IQSEC1: variants seen among roughly 807,000 people sequenced by gnomAD.
The protein encoded by IQSEC1 is IQ motif and SEC7 domain-containing protein 1.
IQSEC1 carries 31 observed loss-of-function variants against 91.0 expected under a neutral mutation model. The ratio of observed to expected loss-of-function variants is 0.34; its 90% confidence interval spans 0.26 to 0.46. The LOEUF (loss-of-function observed/expected upper bound fraction) is 0.46, where lower values mean the gene tolerates loss of function less well. Ranked by LOEUF, IQSEC1 falls within the 20% of genes least tolerant of loss-of-function variation. The pLI, the probability that IQSEC1 is intolerant of heterozygous loss-of-function variation, is 1.00. For missense variants in IQSEC1, 1,388 were observed against 1,575.6 expected, an observed-to-expected ratio of 0.88 and a Z score of 2.02; for synonymous variants, 699 against 662.6, an observed-to-expected ratio of 1.05 and a Z score of -0.84.
chr3:12,943,652 C>A (rs1698960877), intron 1 of IQSEC1, among the ~76,000 whole-genome samples: 1 of 152,234 alleles, frequency 6.6e-6, no homozygotes, highest in African/African-American at 2.4e-5. Flanking sequence ...AGACCCAGGG[C>A]AGTGGGTCCA....
In IQSEC1 at chr3:13,022,918, G is replaced by A. The variant is rs187410712; in HGVS notation, c.23+50074C>T. ...ATGCTGGGCGTGGTCAGCCCCCTCC[G>A]GCCTTAGTTTCACCTCAGGCTACTG... On this transcript the variant is annotated intron_variant, in intron 1 of 13. Coordinates refer to ENST00000613206, the MANE Select transcript of IQSEC1 (RefSeq NM_001134382.3). Among the ~76,000 whole-genome samples, 309 of 152,300 alleles carry A rather than the reference G, an allele frequency of 2.0e-3. 3 individuals are homozygous for A. Among genetic ancestry groups the A allele is most frequent in the Non-Finnish European group, 2.2e-3 (149 of 68,022 alleles).
At position 12,996,878 on chromosome 3, in the gene IQSEC1, C is replaced by T. The variant is rs560816055; in HGVS notation, c.24-55013G>A. 1.3e-3 allele frequency among the ~76,000 whole-genome samples: 201 copies of T among 152,136 alleles called. 2 individuals carry two copies. The highest frequency in any genetic ancestry group is 2.1e-3 in the Non-Finnish European group (145 of 68,030). Reference sequence around the variant, plus strand: ...TTTTAATCTACCAAGTTGGCAAAAACGAATAAGTTTGCTAATACTTTTGCT... The same window carrying T: ...TTTTAATCTACCAAGTTGGCAAAAATGAATAAGTTTGCTAATACTTTTGCT... On this transcript the variant is annotated intron_variant, in intron 1 of 13. Transcript: ENST00000613206.
At chr3:13,283,131 C>CCCCGGGGCCCCCGCGCCTCCTGCT (rs1695831358) in exon 1 of IQSEC1, among the ~76,000 whole-genome samples, 1 of 145,336 alleles carries the variant, frequency 6.9e-6, no homozygotes, top group Admixed American at 6.8e-5. Context: ...CCGGCGCCGC[C>CCCCGGGGCCCCCGCGCCTCCTGCT]CCCGGGGCCC....
At chr3:13,011,196 G>A (rs748627507) in intron 1 of IQSEC1, among the ~76,000 whole-genome samples, 2 of 152,166 alleles carry the variant, frequency 1.3e-5, no homozygotes, top group African/African-American at 4.8e-5. Context: ...TGCATTTCCT[G>A]AGCCCCAGGC....
intron 1 of IQSEC1, among the ~76,000 whole-genome samples, chr3:13,066,649 C>T (rs1431788052): frequency 2.0e-5 from 3 of 152,206 alleles, no homozygotes; most frequent in Non-Finnish European, 4.4e-5. Flanking sequence ...GGGCCTCAGG[C>T]CCCAGAGCGG....
intron 1 of IQSEC1, among the ~76,000 whole-genome samples, chr3:13,024,387 A>ATCCG (rs1179246573): frequency 1.3e-5 from 2 of 148,388 alleles, no homozygotes; most frequent in African/African-American, 5.0e-5. Flanking sequence ...CCATCCATCC[A>ATCCG]TCCATCCATC....
intron 1 of IQSEC1, among the ~76,000 whole-genome samples, chr3:13,236,494 C>T (rs1417743057): frequency 6.6e-6 from 1 of 152,208 alleles, no homozygotes; most frequent in African/African-American, 2.4e-5. Context: ...CCTAAGGGTG[C>T]TCCAAACTTG....
chr3:12,937,859 G>A lies in IQSEC1; in HGVS notation c.319-1162C>T, dbSNP rs3773326. ...ACTCAAGAGGCCTTCAGGCTCTGGA[G>A]CTGGCTTTCCCTCATGAGCACCGCC... On this transcript the variant is annotated intron_variant, in intron 2 of 13. Transcript: ENST00000613206. 1.5e-3 allele frequency among the ~76,000 whole-genome samples: 232 copies of A among 152,334 alleles called. 5 individuals are homozygous for A. The East Asian group carries it at 0.037, about 24-fold the overall frequency.
chr3:13,062,300 G>A (rs1705093034), intron 1 of IQSEC1, among the ~76,000 whole-genome samples: 2 of 152,262 alleles, frequency 1.3e-5, no homozygotes, highest in South Asian at 2.1e-4. Context: ...GGAGGAAGGG[G>A]ACAGGAATAA....
chr3:12,981,124 G>C (rs973720565), intron 1 of IQSEC1, among the ~76,000 whole-genome samples: 3 of 152,200 alleles, frequency 2.0e-5, no homozygotes, highest in African/African-American at 7.2e-5. Context: ...GGCAGCAGAG[G>C]GGTGAGGCTT....
At chr3:13,279,894 G>A (rs1330073144) in intron 1 of IQSEC1, among the ~76,000 whole-genome samples, 2 of 152,086 alleles carry the variant, frequency 1.3e-5, no homozygotes, top group Non-Finnish European at 2.9e-5. Context: ...CCCTTCTCAC[G>A]GTACCCCATT....
chr3:13,212,318 T>C (rs1694461440), intron 1 of IQSEC1, among the ~76,000 whole-genome samples: 1 of 152,240 alleles, frequency 6.6e-6, no homozygotes, highest in Admixed American at 6.5e-5. Context: ...GCACCTAGCA[T>C]GTTTTTAGGG....
chr3:13,255,793 T>A (rs527689787), intron 1 of IQSEC1, among the ~76,000 whole-genome samples: 2 of 152,188 alleles, frequency 1.3e-5, no homozygotes, highest in Admixed American at 1.3e-4. Context: ...TCAGCCGGCC[T>A]TACAGTGTTT....
In IQSEC1 at chr3:12,930,180, TTCTC is replaced by T. The variant is rs199689875; in HGVS notation, c.1568+5264_1568+5267del. On this transcript the variant is annotated intron_variant, in intron 3 of 13. Coordinates refer to ENST00000613206, the MANE Select transcript of IQSEC1 (RefSeq NM_001134382.3). Reference sequence around the variant, plus strand: ...GGGGTGTGCAGGATCCAGGAAAGGGTTCTCTCTCTCTCTTTTAAGACCCAGGTCT... The same window carrying T: ...GGGGTGTGCAGGATCCAGGAAAGGGTTCTCTCTCTTTTAAGACCCAGGTCT... 1.3e-5 allele frequency among the ~76,000 whole-genome samples: 2 copies of T among 151,806 alleles called. 1 individual carries two copies. The highest frequency in any genetic ancestry group is 4.2e-4 in the South Asian group (2 of 4,796).
chr3:13,018,869 AG>A (rs1703265924), intron 1 of IQSEC1, among the ~76,000 whole-genome samples: 1 of 152,202 alleles, frequency 6.6e-6, no homozygotes, highest in African/African-American at 2.4e-5. Context: ...CACGGTAGGA[AG>A]GGGCTGAGCC....
chr3:13,270,738 T>A (rs357157), intron 1 of IQSEC1, among the ~76,000 whole-genome samples: 114,449 of 152,156 alleles, frequency 0.75, 43,798 homozygotes, highest in East Asian at 0.97. Context: ...AGGAAGAAAA[T>A]AGATATAAGA....
Position 13,103,581 on chromosome 3 carries a change from C to A in IQSEC1, c.303-56059G>T, listed in dbSNP as rs62232957. 0.06 allele frequency among the ~76,000 whole-genome samples: 9,117 copies of A among 152,126 alleles called. 452 individuals are homozygous for A. Among genetic ancestry groups the A allele is most frequent in the East Asian group, 0.23 (1,167 of 5,108 alleles). ...ATCAGGGAGGCCAAGCAGCAGCTGG[C>A]AAGAGCCAGAGCCGAGTGTGCCATT... is the stretch of plus-strand genomic sequence containing the variant. On this transcript the variant is annotated intron_variant, in intron 2 of 15. Transcript: ENST00000648114. The surrounding 1 kb of genome is among the most constrained non-coding windows in gnomAD (Gnocchi z 4.1).
intron 1 of IQSEC1, among the ~76,000 whole-genome samples, chr3:13,231,876 C>T (rs1694844319): frequency 2.0e-5 from 3 of 152,218 alleles, no homozygotes; most frequent in South Asian, 4.1e-4. Context: ...CCCCCTTTGG[C>T]GATGCCGTGC....
At chr3:13,201,507 T>C (rs769770208) in intron 1 of IQSEC1, among the ~76,000 whole-genome samples, 12 of 152,164 alleles carry the variant, frequency 7.9e-5, no homozygotes, top group Non-Finnish European at 1.6e-4. Flanking sequence ...ATTTTATTTA[T>C]TTATTTATTT....
Sources: gnomAD v4.1 joint callset for allele counts (sites outside exome capture counted in the v4.1 genomes callset) on GRCh38, gnomAD v4.1.1 for gene constraint, Gnocchi (gnomAD v3.1) non-coding constraint, MANE v1.5 for transcripts, NCBI Gene and HGNC (gene_info 2026-07-23, HGNC 2026-07-21) for gene names.